KLHL22: variants seen among roughly 807,000 people sequenced by gnomAD.
KLHL22 encodes the protein kelch like family member 22.
Under a neutral mutation model 60.7 loss-of-function variants are expected in KLHL22, and 18 were observed. The observed-to-expected ratio is 0.30, with a 90% CI of 0.20 to 0.44. KLHL22 has a LOEUF of 0.44. Among genes scored for constraint, KLHL22 ranks in the 20% least tolerant of loss-of-function variants. The pLI, the probability that KLHL22 is intolerant of heterozygous loss-of-function variation, is 1.00. For missense variants in KLHL22, 596 were observed against 852.3 expected (o/e 0.70, Z 3.74); for synonymous variants, 355 against 354.5 (o/e 1.00, Z -0.01).
chr22:20,450,975 TG>T (rs1569123728), intron 5 of KLHL22: 2 of 1,594,208 alleles, frequency 1.3e-6, no homozygotes, highest in Non-Finnish European at 1.7e-6. Flanking sequence ...TTTTGGTGGC[TG>T]GGGGCTTCGG....
intron 2 of KLHL22, among the ~76,000 whole-genome samples, chr22:20,475,504 A>C (rs2053396849): frequency 1.3e-5 from 2 of 151,992 alleles, no homozygotes; most frequent in Admixed American, 1.3e-4. Flanking sequence ...TAAGGTATGA[A>C]GCAAGGGTCC....
At chr22:20,491,535 T>C (rs778915275) in intron 1 of KLHL22, 2 of 152,144 alleles carry the variant, frequency 1.3e-5, no homozygotes, top group Non-Finnish European at 2.9e-5. Context: ...AGACCAAATA[T>C]ATATTTCACA....
intron 5 of KLHL22, chr22:20,451,068 T>A: frequency 6.8e-7 from 1 of 1,461,972 alleles, no homozygotes; most frequent in Non-Finnish European, 9.6e-7. Flanking sequence ...GCATCACTTG[T>A]AAGAGATGTT....
intron 3 of KLHL22, among the ~76,000 whole-genome samples, chr22:20,467,328 A>G (rs2053250861): frequency 6.6e-6 from 1 of 152,190 alleles, no homozygotes. Flanking sequence ...AACTCCATAC[A>G]CTAACCCACT....
intron 4 of KLHL22, among the ~76,000 whole-genome samples, chr22:20,458,531 A>G (rs539136918): frequency 1.5e-4 from 22 of 148,030 alleles, no homozygotes; most frequent in East Asian, 6.0e-4. Context: ...CTCAGCCTCA[A>G]TGGCTGTTCG....
intron 1 of KLHL22, among the ~76,000 whole-genome samples, chr22:20,492,653 G>C (rs1416435237): frequency 6.6e-6 from 1 of 151,114 alleles, no homozygotes; most frequent in Non-Finnish European, 1.5e-5. Context: ...GCAGTGGTGT[G>C]ATCTTGGCTC....
At chr22:20,458,844 G>C (rs764056705) in intron 4 of KLHL22, among the ~76,000 whole-genome samples, 2 of 152,076 alleles carry the variant, frequency 1.3e-5, no homozygotes, top group Admixed American at 6.6e-5. Flanking sequence ...CTCCACTCAA[G>C]GTCTCCCTCT....
intron 2 of KLHL22, among the ~76,000 whole-genome samples, chr22:20,478,848 G>C (rs1327542668): frequency 6.7e-6 from 1 of 149,884 alleles, no homozygotes; most frequent in African/African-American, 2.4e-5. Context: ...TCATTTTTGG[G>C]GCTGGGCGCG....
At chr22:20,494,818 T>C (rs997484206) in intron 1 of KLHL22, among the ~76,000 whole-genome samples, 1 of 152,204 alleles carries the variant, frequency 6.6e-6, no homozygotes, top group Non-Finnish European at 1.5e-5. Context: ...TTTTATGAAG[T>C]GATGGATGGC....
Position 20,495,373 on chromosome 22 carries a change from C to CT in KLHL22, c.-34+386dup, listed in dbSNP as rs993652184. On this transcript the variant is annotated intron_variant, in intron 1 of 6. Coordinates refer to ENST00000328879, the MANE Select transcript of KLHL22 (RefSeq NM_032775.4). This position sits in a 1 kb window ranked among gnomAD's most constrained non-coding sequence, Gnocchi z 4.6. ...GTCAGGCCGGCCCCAAATCGCCCGCCTGTTGCAAGGCCGCCCGCTCCAGCG... is the reference window on the plus strand; with the variant it reads ...GTCAGGCCGGCCCCAAATCGCCCGCCTTGTTGCAAGGCCGCCCGCTCCAGCG... Among the ~76,000 whole-genome samples the CT allele has an allele frequency of 3.3e-4, 50 of 152,286 alleles. No homozygotes were observed. Among genetic ancestry groups the CT allele is most frequent in the African/African-American group, 1.2e-3 (48 of 41,570 alleles).
intron 2 of KLHL22, among the ~76,000 whole-genome samples, chr22:20,476,712 CTT>C (rs760025817): frequency 7.5e-5 from 9 of 119,948 alleles, no homozygotes; most frequent in Admixed American, 8.7e-5. Context: ...CACGCCCGGC[CTT>C]TTTTTTTTTT....
At chr22:20,480,141 G>T (rs945771738) in intron 2 of KLHL22, among the ~76,000 whole-genome samples, 2 of 152,174 alleles carry the variant, frequency 1.3e-5, no homozygotes, top group African/African-American at 2.4e-5. Context: ...GAGGTACTTA[G>T]AATAGTTTAA....
chr22:20,492,792 A>G (rs1601398841), intron 1 of KLHL22, among the ~76,000 whole-genome samples: 5 of 151,968 alleles, frequency 3.3e-5, no homozygotes, highest in Admixed American at 2.6e-4. Flanking sequence ...GGGTTTCACC[A>G]TGTTGGTCAG....
At chr22:20,453,607 T>C (rs1232240087) in intron 5 of KLHL22, among the ~76,000 whole-genome samples, 3 of 152,242 alleles carry the variant, frequency 2.0e-5, no homozygotes, top group Non-Finnish European at 4.4e-5. Flanking sequence ...TCGTTCTTTT[T>C]CAAAATTATT....
intron 2 of KLHL22, among the ~76,000 whole-genome samples, chr22:20,488,093 T>G (rs1049280759): frequency 6.6e-6 from 1 of 152,122 alleles, no homozygotes; most frequent in African/African-American, 2.4e-5. Flanking sequence ...AGAAGGCACT[T>G]AAACCATACA....
intron 3 of KLHL22, among the ~76,000 whole-genome samples, chr22:20,469,816 G>T (rs1217503905): frequency 6.6e-6 from 1 of 151,538 alleles, no homozygotes; most frequent in Non-Finnish European, 1.5e-5. Context: ...CTCATGGGAA[G>T]AAAGGTCAGA....
In KLHL22 at chr22:20,472,802, G is replaced by A. The variant is rs573659923; in HGVS notation, c.228-1287C>T. ...CATCTGACCTGAGAGTCACTGGTTA[G>A]AAGAGGGGTAGGTGGAATGATGAGA... is the stretch of plus-strand genomic sequence containing the variant. On this transcript the variant is annotated intron_variant, in intron 2 of 6. Coordinates refer to ENST00000328879, the MANE Select transcript of KLHL22 (RefSeq NM_032775.4). Among the ~76,000 whole-genome samples, 10 of 152,324 alleles carry A rather than the reference G, an allele frequency of 6.6e-5. No homozygotes were observed. In the East Asian group the frequency reaches 1.5e-3, roughly 23 times the overall value.
chr22:20,441,997 C>T lies in KLHL22; in HGVS notation c.*76G>A. 1.4e-6 allele frequency: 2 copies of T among 1,426,222 alleles called. No homozygotes were observed. The allele number at this position is 1,426,222 out of a possible 1,614,324, so 88.3% of individuals were successfully genotyped here. A position where few individuals can be genotyped will look rare whatever the true frequency, so the allele number is the denominator to read the frequency against. On this transcript the variant is annotated 3_prime_UTR_variant, in exon 7 of 7. Coordinates refer to ENST00000328879, the MANE Select transcript of KLHL22 (RefSeq NM_032775.4). ...CAGGGGCCCTGCCTGGAGTAAAGTG[C>T]TCTGGCCTAGGCTGCGTGGGTTTCA...
In KLHL22 at chr22:20,495,418, A is replaced by G. The variant is rs2053753377; in HGVS notation, c.-34+342T>C. Among the ~76,000 whole-genome samples the G allele has an allele frequency of 6.6e-6, 1 of 151,998 alleles. No individual in the cohort carries two copies. Among genetic ancestry groups the G allele is most frequent in the Admixed American group, 6.5e-5 (1 of 15,278 alleles). On this transcript the variant is annotated intron_variant, in intron 1 of 6. Coordinates refer to ENST00000328879, the MANE Select transcript of KLHL22 (RefSeq NM_032775.4). This position sits in a 1 kb window ranked among gnomAD's most constrained non-coding sequence, Gnocchi z 4.6. ...CCAGCGCGGAGGGTCGCGGCCAGGA[A>G]GGCCGCATTCGGACCTGCCGCAGGC...
Sources: gnomAD v4.1 joint callset for allele counts (sites outside exome capture counted in the v4.1 genomes callset) on GRCh38, gnomAD v4.1.1 for gene constraint, Gnocchi (gnomAD v3.1) non-coding constraint, MANE v1.5 for transcripts, NCBI Gene and HGNC (gene_info 2026-07-23, HGNC 2026-07-21) for gene names.